The following NRG3 variants were observed in gnomAD, a reference collection of about 807,000 sequenced individuals.
The protein encoded by NRG3 is pro-neuregulin-3, membrane-bound isoform.
In NRG3, 31 loss-of-function variants were observed where a neutral mutation model predicts 66.9. That is an observed-to-expected ratio of 0.46 (90% CI 0.35 to 0.63). NRG3 has a LOEUF of 0.63. Ranked by LOEUF, NRG3 falls within the 20% of genes least tolerant of loss-of-function variation. The pLI, the probability that NRG3 is intolerant of heterozygous loss-of-function variation, is 0.00. For missense variants in NRG3, 910 were observed against 878.9 expected (o/e 1.04, Z -0.45); for synonymous variants, 393 against 359.4 (o/e 1.09, Z -1.06).
chr10:82,530,891 G>T (rs1451438888), intron 2 of NRG3, among the ~76,000 whole-genome samples: 2 of 151,758 alleles, frequency 1.3e-5, no homozygotes, highest in African/African-American at 4.8e-5. Context: ...GAGTTTTGCA[G>T]TATCCTAATT....
intron 1 of NRG3, among the ~76,000 whole-genome samples, chr10:82,088,243 C>T: frequency 6.6e-6 from 1 of 151,954 alleles, no homozygotes; most frequent in East Asian, 1.9e-4. Flanking sequence ...AAGCTTCTTT[C>T]ATTTCTTTTT....
chr10:82,757,958 C>T (rs1033335348), intron 3 of NRG3, among the ~76,000 whole-genome samples: 1 of 151,942 alleles, frequency 6.6e-6, no homozygotes, highest in South Asian at 2.1e-4. Context: ...CAGATGGCTC[C>T]AAAATATTTT....
At chr10:82,526,926 A>G (rs1846757897) in intron 2 of NRG3, among the ~76,000 whole-genome samples, 1 of 152,098 alleles carries the variant, frequency 6.6e-6, no homozygotes, top group Admixed American at 6.6e-5. Flanking sequence ...AGGTGTGGTC[A>G]TGTAAATTTA....
At chr10:82,576,140 A>G (rs2046016724) in intron 2 of NRG3, among the ~76,000 whole-genome samples, 1 of 151,704 alleles carries the variant, frequency 6.6e-6, no homozygotes. Context: ...ATCAATTTTC[A>G]GACATCTTTT....
intron 1 of NRG3, among the ~76,000 whole-genome samples, chr10:82,234,660 A>G (rs2076668174): frequency 6.6e-6 from 1 of 152,258 alleles, no homozygotes; most frequent in Admixed American, 6.5e-5. Context: ...TTAACAAAAC[A>G]TGAAAGAGAA....
intron 2 of NRG3, among the ~76,000 whole-genome samples, chr10:82,375,394 G>A (rs1440563872): frequency 6.6e-6 from 1 of 152,012 alleles, no homozygotes; most frequent in Non-Finnish European, 1.5e-5. Flanking sequence ...AAAATTAACC[G>A]GGCGTGGTGG....
At chr10:82,112,799 C>A (rs1395885479) in intron 1 of NRG3, among the ~76,000 whole-genome samples, 2 of 152,072 alleles carry the variant, frequency 1.3e-5, no homozygotes, top group Non-Finnish European at 2.9e-5. Context: ...CAGGTCGTGA[C>A]CATGCTTTGT....
intron 2 of NRG3, among the ~76,000 whole-genome samples, chr10:82,710,923 GT>G (rs2056627378): frequency 6.6e-6 from 1 of 152,040 alleles, no homozygotes; most frequent in Non-Finnish European, 1.5e-5. Context: ...GTTTAGAAGT[GT>G]TTTGTGTTTT....
Position 81,875,893 on chromosome 10 carries a change from C to T in NRG3, c.553C>T (p.Arg185Trp), listed in dbSNP as rs903043829. The change falls in exon 1 of 9, where the codon CGG (arginine) becomes TGG (tryptophan). Residue 185 changes from arginine (R) to tryptophan (W), a missense_variant. Transcript: ENST00000372141. The surrounding 1 kb of genome is among the most constrained non-coding windows in gnomAD (Gnocchi z 5.3). ...GGCCAGCCCGCGCTCCACCACAGCA[C>T]GGAACACTGCGGCCCCTGCGACGGT... ...IRASPRSTTA[R>W]NTAAPATVPS... 2 of 1,612,242 alleles carry T rather than the reference C, an allele frequency of 1.2e-6. No homozygotes were observed. The highest frequency in any genetic ancestry group is 4.5e-5 in the East Asian group (2 of 44,852).
At chr10:81,951,154 T>C (rs1256444735) in intron 1 of NRG3, among the ~76,000 whole-genome samples, 3 of 152,242 alleles carry the variant, frequency 2.0e-5, no homozygotes, top group East Asian at 1.9e-4. Flanking sequence ...GTTTCTGATC[T>C]CCATATGTAG....
chr10:82,343,082 A>T (rs569207587), intron 1 of NRG3, among the ~76,000 whole-genome samples: 7 of 152,198 alleles, frequency 4.6e-5, no homozygotes, highest in African/African-American at 1.7e-4. Context: ...CATCATAGGT[A>T]TGTGGCTTTA....
At position 82,731,226 on chromosome 10, in the gene NRG3, G is replaced by A. The variant is rs185428136; in HGVS notation, c.954-7351G>A. On this transcript the variant is annotated intron_variant, in intron 2 of 8. Coordinates refer to ENST00000372141, the MANE Select transcript of NRG3 (RefSeq NM_001010848.4). ...TACTAAAAATACAAAACTTAGCCAG[G>A]CATGGTGGCACATGCATGTAGTCCC... Among the ~76,000 whole-genome samples, 3 of 152,046 alleles carry A rather than the reference G, an allele frequency of 2.0e-5. No individual in the cohort carries two copies. The East Asian group carries it at 5.8e-4, about 29-fold the overall frequency.
At chr10:82,210,878 A>T (rs1345392773) in intron 1 of NRG3, among the ~76,000 whole-genome samples, 1 of 151,572 alleles carries the variant, frequency 6.6e-6, no homozygotes, top group Non-Finnish European at 1.5e-5. Context: ...TAATGCAGAG[A>T]GTTCCAGTAA....
At chr10:82,423,719 C>A (rs12253230) in intron 2 of NRG3, among the ~76,000 whole-genome samples, 32,919 of 151,758 alleles carry the variant, frequency 0.22, 5,240 homozygotes, top group African/African-American at 0.45. Flanking sequence ...TGTTGATATT[C>A]ACATAGCAGT....
At chr10:81,904,074 A>G (rs562187748) in intron 1 of NRG3, among the ~76,000 whole-genome samples, 1 of 151,232 alleles carries the variant, frequency 6.6e-6, no homozygotes, top group Non-Finnish European at 1.5e-5. Flanking sequence ...CAATGATGCG[A>G]TCTCAGCTCC....
chr10:82,641,009 C>A (rs1206547498), intron 2 of NRG3, among the ~76,000 whole-genome samples: 1 of 18,130 alleles, frequency 5.5e-5, no homozygotes, highest in Non-Finnish European at 1.2e-4. Flanking sequence ...TTCAGTCTGT[C>A]GTTTTTTTTT....
intron 1 of NRG3, among the ~76,000 whole-genome samples, chr10:82,205,735 T>C (rs2075087013): frequency 6.6e-6 from 1 of 152,190 alleles, no homozygotes; most frequent in Non-Finnish European, 1.5e-5. Flanking sequence ...GGCATGCATT[T>C]CTTTCATCTT....
chr10:82,553,334 C>T (rs2044448324), intron 2 of NRG3, among the ~76,000 whole-genome samples: 1 of 152,000 alleles, frequency 6.6e-6, no homozygotes, highest in Admixed American at 6.6e-5. Flanking sequence ...ACCGCACCCC[C>T]CACACAATCA....
Position 82,471,486 on chromosome 10 carries a change from T to G in NRG3, c.953+112618T>G, listed in dbSNP as rs911722463. On this transcript the variant is annotated intron_variant, in intron 2 of 8. Coordinates refer to ENST00000372141, the MANE Select transcript of NRG3 (RefSeq NM_001010848.4). ...CTTAATGTTCCTCCTCTGGCCCAGT[T>G]TAAATGACATCTTCTCTGCAAACTA... is the stretch of plus-strand genomic sequence containing the variant. Among the ~76,000 whole-genome samples the G allele has an allele frequency of 7.9e-5, 12 of 152,328 alleles. No homozygotes were observed. In the East Asian group the frequency reaches 2.1e-3, roughly 27 times the overall value.
Sources: allele counts gnomAD v4.1 joint callset (sites outside exome capture counted in the v4.1 genomes callset), GRCh38; gene constraint gnomAD v4.1.1; non-coding constraint Gnocchi (gnomAD v3.1); transcripts MANE v1.5; gene names NCBI Gene and HGNC (gene_info 2026-07-23, HGNC 2026-07-21).